TENM4: variants seen among roughly 807,000 people sequenced by gnomAD.
The protein encoded by TENM4 is teneurin-4.
A neutral mutation model predicts 243.3 loss-of-function variants in TENM4; 82 were observed. The observed-to-expected ratio is 0.34, with a 90% CI of 0.28 to 0.40. TENM4 has a LOEUF of 0.40. TENM4 is among the 10% of genes least tolerant of loss of function. The probability of loss-of-function intolerance (pLI) is 1.00; values close to 1 mark genes in which losing one functional copy is unlikely to be tolerated. For synonymous variants in TENM4, 1,412 were observed against 1,456.3 expected, an observed-to-expected ratio of 0.97 and a Z score of 0.69; for missense variants, 3,138 against 3,673.3, an observed-to-expected ratio of 0.85 and a Z score of 3.77.
intron 19 of TENM4, among the ~76,000 whole-genome samples, chr11:78,742,534 C>T (rs1438340112): frequency 6.6e-6 from 1 of 152,184 alleles, no homozygotes; most frequent in African/African-American, 2.4e-5. Context: ...GTGTAGTTTT[C>T]TCTGACACCA....
intron 7 of TENM4, among the ~76,000 whole-genome samples, chr11:78,901,766 T>C (rs1855933594): frequency 6.6e-6 from 1 of 152,144 alleles, no homozygotes; most frequent in Non-Finnish European, 1.5e-5. Flanking sequence ...CTGTTACTGA[T>C]GAGGCACACA....
At chr11:78,742,600 G>A (rs1785812) in intron 19 of TENM4, among the ~76,000 whole-genome samples, 128,144 of 152,160 alleles carry the variant, frequency 0.84, 54,672 homozygotes, top group African/African-American at 0.92. Flanking sequence ...AAAACAAGCA[G>A]TTAGGCTAGG....
intron 4 of TENM4, among the ~76,000 whole-genome samples, chr11:79,127,368 T>A (rs150315897): frequency 3.4e-4 from 52 of 152,346 alleles, no homozygotes; most frequent in Non-Finnish European, 6.6e-4. Context: ...GACAGATGGA[T>A]CTTGGAGAAT....
chr11:79,437,491 G>C (rs942326683), intron 1 of TENM4, among the ~76,000 whole-genome samples: 4 of 152,122 alleles, frequency 2.6e-5, no homozygotes, highest in South Asian at 2.1e-4. Context: ...CGGTCTTCTC[G>C]GCTCCAGTTT....
intron 1 of TENM4, among the ~76,000 whole-genome samples, chr11:79,303,984 G>T (rs879822417): frequency 6.6e-6 from 1 of 152,128 alleles, no homozygotes; most frequent in East Asian, 1.9e-4. Flanking sequence ...GTGTGTGTTG[G>T]GCTAATATGG....
At position 79,020,050 on chromosome 11, in the gene TENM4, C is replaced by A. The variant is rs750416256; in HGVS notation, c.493+44688G>T. Among the ~76,000 whole-genome samples the A allele has an allele frequency of 1.2e-4, 18 of 152,192 alleles. 1 individual carries two copies. The highest frequency in any genetic ancestry group is 2.2e-4 in the Non-Finnish European group (15 of 68,030). The stretch of plus-strand genomic sequence containing the variant: ...TGCCACGGCTCATTCATTTTCTTAT[C>A]CCCACAATCCCTTGCCCTTTCCCAA... On this transcript the variant is annotated intron_variant, in intron 6 of 33. Transcript: ENST00000278550.
intron 6 of TENM4, among the ~76,000 whole-genome samples, chr11:79,037,585 G>A (rs753340785): frequency 3.3e-5 from 5 of 152,152 alleles, no homozygotes; most frequent in Non-Finnish European, 4.4e-5. Context: ...GGTTACTAGA[G>A]CTTAAGTCCA....
At chr11:79,275,226 G>GGGGTGT (rs777388975) in intron 2 of TENM4, among the ~76,000 whole-genome samples, 2 of 143,514 alleles carry the variant, frequency 1.4e-5, no homozygotes, top group African/African-American at 5.3e-5. Flanking sequence ...GTGTGAGCGG[G>GGGGTGT]GTGTGTGTGT....
rs199784483 is a variant in TENM4 at position 78,701,959 on chromosome 11, C to T, written c.4654G>A (p.Val1552Met). The T allele has an allele frequency of 4.3e-4, 686 of 1,613,956 alleles. 1 individual carries two copies. Among genetic ancestry groups the T allele is most frequent in the Non-Finnish European group, 5.3e-4 (624 of 1,179,888 alleles). Reference protein sequence around the residue: ...LAVCADGELYVADLGNIRIRF... With the variant: ...LAVCADGELYMADLGNIRIRF... ...ATTCGGATGTTCCCAAGGTCGGCCA[C>T]GTAGAGCTCCCCATCAGCACACACA... The change falls in exon 28 of 34, where the codon GTG becomes ATG. Residue 1552 changes from valine (V) to methionine (M), a missense_variant. By Grantham distance (21) the Val-to-Met change is conservative (BLOSUM62 1). Around this residue, in one of 2 missense-constraint regions of TENM4, gnomAD observed 2,467 missense variants for 3,059.1 expected, o/e 0.81. Coordinates refer to ENST00000278550, the MANE Select transcript of TENM4 (RefSeq NM_001098816.3).
intron 2 of TENM4, among the ~76,000 whole-genome samples, chr11:79,259,512 T>TCCAC (rs1855756711): frequency 6.6e-6 from 1 of 151,764 alleles, no homozygotes; most frequent in South Asian, 2.1e-4. Context: ...CATCCATCCA[T>TCCAC]CCATCCATCC....
chr11:78,712,930 T>A (rs952414000), intron 25 of TENM4, among the ~76,000 whole-genome samples: 2 of 133,282 alleles, frequency 1.5e-5, no homozygotes, highest in African/African-American at 3.8e-5. Flanking sequence ...CCCCTTGCAA[T>A]TCTTGCAAGA....
intron 15 of TENM4, among the ~76,000 whole-genome samples, chr11:78,799,057 G>C (rs1402770920): frequency 1.3e-5 from 2 of 152,170 alleles, no homozygotes; most frequent in Non-Finnish European, 2.9e-5. Flanking sequence ...CAGTGAATGT[G>C]TCAGCGTGGG....
chr11:79,097,836 TAAA>T (rs11291565), intron 4 of TENM4: 1 of 137,766 alleles, frequency 7.3e-6, no homozygotes, highest in Non-Finnish European at 1.6e-5. Flanking sequence ...TTTTTTTTTT[TAAA>T]AAAAAAGAAA....
chr11:79,029,447 T>C (rs995840132), intron 6 of TENM4, among the ~76,000 whole-genome samples: 9 of 152,208 alleles, frequency 5.9e-5, no homozygotes, highest in Admixed American at 1.3e-4. Flanking sequence ...TTTCTTTGTG[T>C]CTGAGGGCAG....
chr11:78,864,983 G>A (rs1858932058), intron 9 of TENM4, among the ~76,000 whole-genome samples: 1 of 152,180 alleles, frequency 6.6e-6, no homozygotes, highest in African/African-American at 2.4e-5. Flanking sequence ...TCTTCAGAGA[G>A]ATGAAGGCCC....
intron 2 of TENM4, among the ~76,000 whole-genome samples, chr11:79,260,376 T>C (rs1383994665): frequency 6.6e-6 from 1 of 152,200 alleles, no homozygotes. Context: ...AACATCCCTT[T>C]AATGAACACA....
intron 3 of TENM4, among the ~76,000 whole-genome samples, chr11:79,164,525 T>G (rs908410365): frequency 8.4e-5 from 12 of 142,232 alleles, no homozygotes; most frequent in African/African-American, 2.6e-4. Flanking sequence ...ATACTATATA[T>G]ATACTATATA....
intron 6 of TENM4, among the ~76,000 whole-genome samples, chr11:78,910,475 G>T (rs904905245): frequency 3.3e-5 from 5 of 152,192 alleles, no homozygotes; most frequent in Admixed American, 2.0e-4. Flanking sequence ...ATTTATGAAG[G>T]CCGGAAAGCT....
intron 9 of TENM4, among the ~76,000 whole-genome samples, chr11:78,867,017 A>G (rs1858996810): frequency 6.6e-6 from 1 of 152,218 alleles, no homozygotes; most frequent in African/African-American, 2.4e-5. Flanking sequence ...AGATGTTTTG[A>G]TAACAGGCTT....
Sources: gnomAD v4.1 joint callset for allele counts (sites outside exome capture counted in the v4.1 genomes callset) on GRCh38, gnomAD v4.1.1 for gene constraint, gnomAD v4.1.1 regional missense constraint, MANE v1.5 for transcripts, NCBI Gene and HGNC (gene_info 2026-07-23, HGNC 2026-07-21) for gene names.